Variants in DLG1 observed in about 807,000 individuals in gnomAD.
The protein encoded by DLG1 is disks large homolog 1.
A neutral mutation model predicts 123.4 loss-of-function variants in DLG1; 42 were observed. The observed-to-expected ratio is 0.34, with a 90% confidence interval of 0.27 to 0.44. The LOEUF (loss-of-function observed/expected upper bound fraction) is 0.44, where lower values mean the gene tolerates loss of function less well. DLG1 is among the 20% of genes least tolerant of loss of function. The probability of loss-of-function intolerance (pLI) is 1.00; values close to 1 mark genes in which losing one functional copy is unlikely to be tolerated. For missense variants in DLG1, 942 were observed against 1,082.6 expected (o/e 0.87, Z 1.82); for synonymous variants, 317 against 356.2 (o/e 0.89, Z 1.24).
intron 23 of DLG1, among the ~76,000 whole-genome samples, chr3:197,056,103 T>G (rs971811587): frequency 1.3e-5 from 2 of 152,152 alleles, no homozygotes; most frequent in African/African-American, 4.8e-5. Context: ...CCCCTGGAAG[T>G]CATAAGCCTT....
chr3:197,248,435 C>A (rs1578687097), intron 4 of DLG1, among the ~76,000 whole-genome samples: 1 of 152,116 alleles, frequency 6.6e-6, no homozygotes, highest in Non-Finnish European at 1.5e-5. Flanking sequence ...GGAGACCTTT[C>A]CCCAGAGGAG....
chr3:197,070,075 T>C (rs1437469358), intron 18 of DLG1: 5 of 152,192 alleles, frequency 3.3e-5, no homozygotes, highest in Non-Finnish European at 7.4e-5. Context: ...ACGACTTTAT[T>C]GTTTGGTAAA....
intron 4 of DLG1, among the ~76,000 whole-genome samples, chr3:197,201,946 G>T (rs796206622): frequency 6.6e-6 from 1 of 151,172 alleles, no homozygotes; most frequent in East Asian, 2.0e-4. Context: ...TAAATAATGT[G>T]TACACATGGA....
chr3:197,248,578 G>C (rs1007392492), intron 4 of DLG1, among the ~76,000 whole-genome samples: 1 of 152,212 alleles, frequency 6.6e-6, no homozygotes, highest in African/African-American at 2.4e-5. Flanking sequence ...ACAATCACAA[G>C]AGCACACTGA....
intron 5 of DLG1, chr3:197,161,616 A>G: frequency 7.6e-7 from 1 of 1,316,974 alleles, no homozygotes; most frequent in Non-Finnish European, 1.0e-6. Flanking sequence ...AATTTTTATA[A>G]AGAAAAAAGA....
At position 197,043,786 on chromosome 3, in the gene DLG1, G is replaced by A. The variant is rs190933993; in HGVS notation, c.*837C>T. On this transcript the variant is annotated 3_prime_UTR_variant, in exon 25 of 25. Coordinates refer to ENST00000667157, the MANE Select transcript of DLG1 (RefSeq NM_001366207.1). ...TTGGACTCCTTTCCATTGCCATGAT[G>A]GTTACTACGTCACCACTGTAACGTC... The A allele has an allele frequency of 1.3e-5, 2 of 152,050 alleles. No individual in the cohort carries two copies. The highest frequency in any genetic ancestry group is 1.9e-4 in the East Asian group (1 of 5,182). 9.4% of individuals were successfully genotyped at this position (152,050 alleles called of 1,614,324 possible). A position where few individuals can be genotyped will look rare whatever the true frequency, so the allele number is the denominator to read the frequency against.
At chr3:197,068,954 ACTT>A (rs1417608744) in intron 19 of DLG1, among the ~76,000 whole-genome samples, 1 of 152,140 alleles carries the variant, frequency 6.6e-6, no homozygotes, top group East Asian at 1.9e-4. Context: ...CTAGATATTT[ACTT>A]CTTACAAAAA....
chr3:197,085,593 G>C lies in DLG1; in HGVS notation c.1825C>G (p.Pro609Ala). The change falls in exon 16 of 25, where the codon CCC (proline) becomes GCC (alanine). Residue 609 changes from proline (P) to alanine (A), a missense_variant. Coordinates refer to ENST00000667157, the MANE Select transcript of DLG1 (RefSeq NM_001366207.1). ...AAACAGGCATACCTGCGTTTACTGGGAATCACTCCGACCTCATCGCTCTCA... is the reference window on the plus strand; with the variant it reads ...AAACAGGCATACCTGCGTTTACTGGCAATCACTCCGACCTCATCGCTCTCA... ...DGESDEVGVI[P>A]SKRRVEKKER... is the part of the protein sequence containing the mutation. The C allele has an allele frequency of 1.2e-6, 2 of 1,613,832 alleles. No homozygotes were observed. Among genetic ancestry groups the C allele is most frequent in the African/African-American group, 1.3e-5 (1 of 74,968 alleles).
chr3:197,221,625 G>A (rs572433187), intron 4 of DLG1, among the ~76,000 whole-genome samples: 28 of 152,106 alleles, frequency 1.8e-4, no homozygotes, highest in African/African-American at 6.0e-4. Flanking sequence ...CTAGATGTGT[G>A]AAGAGAGAGC....
chr3:197,260,316 TA>T, intron 4 of DLG1: 1 of 422,498 alleles, frequency 2.4e-6, no homozygotes. Context: ...ATTTTATACA[TA>T]AAGCAAAACT....
intron 4 of DLG1, among the ~76,000 whole-genome samples, chr3:197,261,601 T>C (rs1214977498): frequency 6.6e-6 from 1 of 152,208 alleles, no homozygotes; most frequent in Non-Finnish European, 1.5e-5. Context: ...TTGCCTCTTA[T>C]ACCCCATTCC....
rs936497033 is a variant in DLG1 at position 197,130,600 on chromosome 3, A to T, written c.1092T>A (p.Phe364Leu). ...AVTALKNTSDFVYLKVAKPTS... is the reference protein window; with the variant it reads ...AVTALKNTSDLVYLKVAKPTS... ...TGGGTTTTGCCACTTTCAAATAAAC[A>T]AAATCAGATGTGTTCTTTAAGGCAG... is the stretch of plus-strand genomic sequence containing the variant. The change falls in exon 11 of 25, where the codon TTT (phenylalanine) becomes TTA (leucine). Residue 364 changes from phenylalanine to leucine, a missense_variant. Physicochemically the swap from Phe to Leu is conservative, Grantham distance 22. Transcript: ENST00000667157. 1.9e-6 allele frequency: 3 copies of T among 1,612,334 alleles called. No individual in the cohort carries two copies. In the East Asian group the frequency reaches 6.7e-5, roughly 36 times the overall value.
At chr3:197,082,850 ATAG>A (rs1428682809) in intron 16 of DLG1, among the ~76,000 whole-genome samples, 2 of 152,206 alleles carry the variant, frequency 1.3e-5, no homozygotes, top group East Asian at 3.8e-4. Context: ...ACACAATCTT[ATAG>A]AATTTTTGTA....
intron 11 of DLG1, among the ~76,000 whole-genome samples, chr3:197,124,626 C>T (rs9850339): frequency 0.76 from 116,024 of 151,968 alleles, 44,424 homozygotes; most frequent in East Asian, 0.82. Flanking sequence ...GTGCAGTGGC[C>T]AGACACAGGT....
chr3:197,296,899 G>A (rs1777635839), intron 2 of DLG1: 1 of 440,126 alleles, frequency 2.3e-6, no homozygotes, highest in South Asian at 3.1e-5. Context: ...TGCTTAGTAA[G>A]AATGATAGAG....
At chr3:197,198,756 A>C (rs912530993) in intron 4 of DLG1, among the ~76,000 whole-genome samples, 3 of 152,298 alleles carry the variant, frequency 2.0e-5, no homozygotes, top group Admixed American at 6.5e-5. Context: ...TGAGGACCAT[A>C]ATAAAAAAAA....
At chr3:197,091,528 G>A (rs975139363) in intron 14 of DLG1, among the ~76,000 whole-genome samples, 6 of 151,730 alleles carry the variant, frequency 4.0e-5, no homozygotes, top group Non-Finnish European at 8.8e-5. Flanking sequence ...CCTTAAACAA[G>A]TGATAAACAA....
intron 23 of DLG1, among the ~76,000 whole-genome samples, chr3:197,052,043 G>A (rs1285037617): frequency 4.6e-5 from 7 of 151,956 alleles, no homozygotes; most frequent in African/African-American, 1.7e-4. Context: ...GTTTCACCAA[G>A]TTGGGCAGGC....
intron 14 of DLG1, among the ~76,000 whole-genome samples, chr3:197,097,384 T>TG (rs1380471147): frequency 6.6e-6 from 1 of 152,188 alleles, no homozygotes; most frequent in South Asian, 2.1e-4. Flanking sequence ...CAGATGCTGA[T>TG]ATCAGATGGT....
Sources: gnomAD v4.1 joint callset for allele counts (sites outside exome capture counted in the v4.1 genomes callset) on GRCh38, gnomAD v4.1.1 for gene constraint, MANE v1.5 for transcripts, NCBI Gene and HGNC (gene_info 2026-07-23, HGNC 2026-07-21) for gene names.